RBFOX1: variants seen among roughly 807,000 people sequenced by gnomAD.
RBFOX1 encodes RNA binding fox-1 homolog 1, also known as RNA binding protein fox-1 homolog 1.
RBFOX1 carries 8 observed loss-of-function variants against 57.7 expected under a neutral mutation model. That is an observed-to-expected ratio of 0.14 (90% confidence interval 0.08 to 0.25). RBFOX1 has a LOEUF of 0.25. RBFOX1 is among the 10% of genes least tolerant of loss of function. RBFOX1 has a pLI of 1.00. For missense variants in RBFOX1, 611 were observed against 548.5 expected (o/e 1.11, Z -1.14); for synonymous variants, 326 against 222.4 (o/e 1.47, Z -4.15).
intron 1 of RBFOX1, among the ~76,000 whole-genome samples, chr16:6,179,067 G>T (rs575552791): frequency 6.6e-6 from 1 of 152,292 alleles, no homozygotes; most frequent in South Asian, 2.1e-4. Flanking sequence ...ATCTTGATAA[G>T]GTACTGGAAG....
chr16:5,316,732 C>T (rs2064248834), intron 1 of RBFOX1, among the ~76,000 whole-genome samples: 1 of 152,200 alleles, frequency 6.6e-6, no homozygotes, highest in African/African-American at 2.4e-5. Flanking sequence ...ATTCTCAACA[C>T]ACTGAGTCCA....
chr16:6,187,271 G>T (rs980006061), intron 1 of RBFOX1, among the ~76,000 whole-genome samples: 2 of 152,032 alleles, frequency 1.3e-5, no homozygotes, highest in Non-Finnish European at 1.5e-5. Flanking sequence ...GATGACGATC[G>T]ATGTTTTCTT....
intron 4 of RBFOX1, among the ~76,000 whole-genome samples, chr16:5,881,041 G>A (rs2057748848): frequency 6.6e-6 from 1 of 152,192 alleles, no homozygotes; most frequent in South Asian, 2.1e-4. Context: ...CTACTGCAAT[G>A]TTGTGTCTTA....
chr16:5,846,117 G>C (rs763886671), intron 3 of RBFOX1, among the ~76,000 whole-genome samples: 7 of 151,972 alleles, frequency 4.6e-5, no homozygotes, highest in Admixed American at 2.6e-4. Flanking sequence ...TGGAGGCGGA[G>C]GTTGCAGTGA....
At chr16:6,477,563 T>G (rs772691971) in intron 2 of RBFOX1, among the ~76,000 whole-genome samples, 1 of 152,178 alleles carries the variant, frequency 6.6e-6, no homozygotes, top group African/African-American at 2.4e-5. Flanking sequence ...TCCTGTTTCA[T>G]TTCTAGAGCA....
intron 1 of RBFOX1, among the ~76,000 whole-genome samples, chr16:5,314,769 G>A (rs1293866669): frequency 2.7e-5 from 4 of 150,486 alleles, no homozygotes; most frequent in South Asian, 2.1e-4. Context: ...TCAAAGTGCT[G>A]AGATTTGAGG....
At position 7,432,240 on chromosome 16, in the gene RBFOX1, G is replaced by A. The variant is rs1220826746; in HGVS notation, c.28-85907G>A. Among the ~76,000 whole-genome samples, 6 of 152,354 alleles carry A rather than the reference G, an allele frequency of 3.9e-5. No homozygotes were observed. In the East Asian group the frequency reaches 7.7e-4, roughly 20 times the overall value. On this transcript the variant is annotated intron_variant, in intron 4 of 15. Coordinates refer to ENST00000550418, the MANE Select transcript of RBFOX1 (RefSeq NM_018723.4). ...GTTTTCATCCTTGTCTTAAAGGTAG[G>A]ATGAGTCTCCCAAGGTGGGATAGAA... is the stretch of plus-strand genomic sequence containing the variant.
rs548703509 is a variant in RBFOX1, at chr16:6,502,789, G to T, written c.-63-151814G>T. On this transcript the variant is annotated intron_variant, in intron 2 of 15. Transcript: ENST00000550418. ...GATTATCAGCATCCTTTTTAGACAT[G>T]GATGTAAGATACTTCTTTCTTGGCA... Among the ~76,000 whole-genome samples the T allele has an allele frequency of 1.8e-4, 27 of 152,184 alleles. 1 individual carries two copies. The South Asian group carries it at 5.4e-3, about 31-fold the overall frequency.
intron 2 of RBFOX1, among the ~76,000 whole-genome samples, chr16:6,322,491 T>G (rs979072569): frequency 1.3e-5 from 2 of 152,074 alleles, no homozygotes; most frequent in African/African-American, 4.8e-5. Flanking sequence ...TAGATCTCTG[T>G]TAAGCCCTCC....
At chr16:7,052,626 C>A (rs1402666013) in intron 4 of RBFOX1, among the ~76,000 whole-genome samples, 2 of 151,996 alleles carry the variant, frequency 1.3e-5, no homozygotes, top group African/African-American at 4.8e-5. Flanking sequence ...TTCTGTTTCC[C>A]CACTTAAAAA....
chr16:7,189,665 C>G (rs1352533243), intron 4 of RBFOX1, among the ~76,000 whole-genome samples: 6 of 151,882 alleles, frequency 4.0e-5, no homozygotes, highest in Non-Finnish European at 5.9e-5. Flanking sequence ...CATTTGTAAA[C>G]TAGCCTACCA....
chr16:7,552,158 G>T (rs2086748758), intron 5 of RBFOX1, among the ~76,000 whole-genome samples: 1 of 152,144 alleles, frequency 6.6e-6, no homozygotes, highest in African/African-American at 2.4e-5. Flanking sequence ...TCTTTATCCA[G>T]TTATCCTTCC....
At chr16:6,430,808 T>C (rs1439078360) in intron 2 of RBFOX1, among the ~76,000 whole-genome samples, 4 of 151,820 alleles carry the variant, frequency 2.6e-5, no homozygotes, top group Non-Finnish European at 5.9e-5. Flanking sequence ...AGTCAGTGGA[T>C]ACAAGATTAA....
chr16:6,260,466 A>C (rs2097695033), intron 1 of RBFOX1, among the ~76,000 whole-genome samples: 1 of 152,176 alleles, frequency 6.6e-6, no homozygotes. Context: ...AGTGGGCTAG[A>C]CTGGGATGGA....
chr16:6,499,575 C>T (rs2095859158), intron 2 of RBFOX1, among the ~76,000 whole-genome samples: 1 of 152,086 alleles, frequency 6.6e-6, no homozygotes, highest in Non-Finnish European at 1.5e-5. Flanking sequence ...GATTCCAAGA[C>T]AGAGTCTTGT....
rs1461343722 is a variant in RBFOX1 at position 5,766,405 on chromosome 16, C to T, written c.319-100898C>T. Among the ~76,000 whole-genome samples, 3 of 151,994 alleles carry T rather than the reference C, an allele frequency of 2.0e-5. 1 individual carries two copies. Among genetic ancestry groups the T allele is most frequent in the Admixed American group, 6.5e-5 (1 of 15,270 alleles). ...ATCAAGACCATCCTGGCCAACATGA[C>T]GAAACCTCGTCTCTACTAAAATGCA... is the stretch of plus-strand genomic sequence containing the variant. On this transcript the variant is annotated intron_variant, in intron 3 of 19. Coordinates refer to the RBFOX1 transcript ENST00000641259.
intron 3 of RBFOX1, among the ~76,000 whole-genome samples, chr16:5,784,661 T>A (rs1022692670): frequency 1.3e-5 from 2 of 152,162 alleles, no homozygotes; most frequent in African/African-American, 2.4e-5. Flanking sequence ...ACATGAGATT[T>A]GGGTGACGAC....
At chr16:7,053,061 C>A (rs764901165) in intron 4 of RBFOX1, among the ~76,000 whole-genome samples, 28 of 152,314 alleles carry the variant, frequency 1.8e-4, no homozygotes, top group Admixed American at 5.9e-4. Context: ...AGGCCTAATG[C>A]CTTCATACAC....
intron 4 of RBFOX1, among the ~76,000 whole-genome samples, chr16:7,238,016 G>A (rs2093859303): frequency 6.6e-6 from 1 of 152,148 alleles, no homozygotes; most frequent in Non-Finnish European, 1.5e-5. Flanking sequence ...AAAAAGAAAA[G>A]AGATGCTGAT....
Sources: gnomAD v4.1 joint callset for allele counts (sites outside exome capture counted in the v4.1 genomes callset) on GRCh38, gnomAD v4.1.1 for gene constraint, MANE v1.5 for transcripts, NCBI Gene and HGNC (gene_info 2026-07-23, HGNC 2026-07-21) for gene names.